The following DPP10 variants were observed in gnomAD, a reference collection of about 807,000 sequenced individuals.
DPP10 encodes inactive dipeptidyl peptidase 10.
A neutral mutation model predicts 120.9 loss-of-function variants in DPP10; 33 were observed. The ratio of observed to expected loss-of-function variants is 0.27; its 90% CI spans 0.21 to 0.37. The LOEUF (loss-of-function observed/expected upper bound fraction) is 0.37. Ranked by LOEUF, DPP10 falls within the 10% of genes least tolerant of loss-of-function variation. The pLI, the probability that DPP10 is intolerant of heterozygous loss-of-function variation, is 1.00. For missense variants in DPP10, 816 were observed against 942.8 expected (o/e 0.87, Z 1.76); for synonymous variants, 337 against 326.1 (o/e 1.03, Z -0.36).
chr2:114,583,880 G>A (rs1261836243), intron 1 of DPP10, among the ~76,000 whole-genome samples: 1 of 152,124 alleles, frequency 6.6e-6, no homozygotes, highest in African/African-American at 2.4e-5. Flanking sequence ...CCACTGTTAT[G>A]AATCCTTGCT....
chr2:115,726,519 TTTA>T (rs2092768773), intron 7 of DPP10, among the ~76,000 whole-genome samples: 10 of 152,136 alleles, frequency 6.6e-5, no homozygotes, highest in Admixed American at 2.0e-4. Context: ...GGATTTTAAA[TTTA>T]GGCTGCCTGG....
chr2:114,734,047 A>T (rs895636256), intron 1 of DPP10, among the ~76,000 whole-genome samples: 1 of 152,214 alleles, frequency 6.6e-6, no homozygotes, highest in Non-Finnish European at 1.5e-5. Flanking sequence ...AACCCTATAT[A>T]TCATGGCTTA....
At chr2:114,899,829 G>A (rs898654927) in intron 1 of DPP10, among the ~76,000 whole-genome samples, 21 of 152,136 alleles carry the variant, frequency 1.4e-4, no homozygotes, top group African/African-American at 4.1e-4. Flanking sequence ...GCTTGGTGGC[G>A]GGTGCCTGTG....
At chr2:115,471,762 T>C (rs1300196601) in intron 3 of DPP10, among the ~76,000 whole-genome samples, 2 of 100,172 alleles carry the variant, frequency 2.0e-5, no homozygotes, top group African/African-American at 3.6e-5. Context: ...AGTCTTTTTT[T>C]GTTTGTCTGT....
At chr2:114,863,427 C>T (rs533088690) in intron 1 of DPP10, among the ~76,000 whole-genome samples, 12 of 152,184 alleles carry the variant, frequency 7.9e-5, no homozygotes, top group African/African-American at 1.2e-4. Context: ...AAGTATCAGA[C>T]GTCGTGTTCT....
intron 1 of DPP10, among the ~76,000 whole-genome samples, chr2:114,821,125 G>A (rs1686048708): frequency 6.6e-6 from 1 of 152,202 alleles, no homozygotes; most frequent in Non-Finnish European, 1.5e-5. Context: ...TGAGTAGGCT[G>A]GAGGAGGTGG....
chr2:115,521,103 G>A (rs1243173152), intron 4 of DPP10, among the ~76,000 whole-genome samples: 1 of 152,158 alleles, frequency 6.6e-6, no homozygotes, highest in Non-Finnish European at 1.5e-5. Flanking sequence ...CACAATTTGA[G>A]TAAGGAAAAG....
chr2:114,560,643 C>T, intron 1 of DPP10, among the ~76,000 whole-genome samples: 1 of 151,952 alleles, frequency 6.6e-6, no homozygotes, highest in Non-Finnish European at 1.5e-5. Context: ...TTTCCAGTCT[C>T]ACTCTGCTCC....
chr2:114,613,555 G>A (rs1693444156), intron 1 of DPP10, among the ~76,000 whole-genome samples: 1 of 152,128 alleles, frequency 6.6e-6, no homozygotes, highest in African/African-American at 2.4e-5. Flanking sequence ...AAGACAGTGT[G>A]GTGATTCCTC....
chr2:115,303,165 A>AT (rs546792716), intron 1 of DPP10, among the ~76,000 whole-genome samples: 151 of 151,938 alleles, frequency 9.9e-4, no homozygotes, highest in Non-Finnish European at 1.9e-3. Context: ...TTTTTGTGGT[A>AT]TTTTTTTCAG....
In DPP10 at chr2:114,467,990, C is replaced by T. The variant is rs141662681; in HGVS notation, c.60+25152C>T. Reference sequence around the variant, plus strand: ...AGCTGTGATTGCAGCCACTGCACTTCAGTTGGTGCCACAGAGTGATACACC... The same window carrying T: ...AGCTGTGATTGCAGCCACTGCACTTTAGTTGGTGCCACAGAGTGATACACC... On this transcript the variant is annotated intron_variant, in intron 1 of 25. Transcript: ENST00000410059. 6.2e-4 allele frequency among the ~76,000 whole-genome samples: 95 copies of T among 152,248 alleles called. 2 individuals are homozygous for T. Among genetic ancestry groups the T allele is most frequent in the African/African-American group, 2.3e-3 (94 of 41,550 alleles).
chr2:115,036,452 GTTA>G (rs1054006845), intron 1 of DPP10, among the ~76,000 whole-genome samples: 1 of 152,104 alleles, frequency 6.6e-6, no homozygotes, highest in African/African-American at 2.4e-5. Context: ...TTATTATTTT[GTTA>G]TTATAAGAGC....
At chr2:115,687,035 A>G (rs1054127911) in intron 5 of DPP10, among the ~76,000 whole-genome samples, 1 of 152,060 alleles carries the variant, frequency 6.6e-6, no homozygotes, top group African/African-American at 2.4e-5. Context: ...GTTTAAGATA[A>G]AGGAAATTGA....
intron 1 of DPP10, among the ~76,000 whole-genome samples, chr2:115,170,124 G>A (rs2053208244): frequency 6.6e-6 from 1 of 152,148 alleles, no homozygotes; most frequent in African/African-American, 2.4e-5. Context: ...GGCCTTTCTT[G>A]TTATTGGAAC....
At chr2:114,519,921 T>G (rs917961683) in intron 1 of DPP10, among the ~76,000 whole-genome samples, 1 of 152,238 alleles carries the variant, frequency 6.6e-6, no homozygotes, top group Non-Finnish European at 1.5e-5. Context: ...TTCCTCTTCA[T>G]GTATTGCGAT....
chr2:115,817,662 G>A (rs1208948274), intron 21 of DPP10, among the ~76,000 whole-genome samples: 1 of 138,636 alleles, frequency 7.2e-6, no homozygotes, highest in Non-Finnish European at 1.6e-5. Context: ...ATCCCTAGTA[G>A]TAAAGGTTAG....
intron 5 of DPP10, among the ~76,000 whole-genome samples, chr2:115,549,241 C>T (rs770347823): frequency 2.0e-5 from 3 of 152,110 alleles, no homozygotes; most frequent in Non-Finnish European, 2.9e-5. Context: ...AAAGTCTATA[C>T]GGTAGGCCTG....
intron 1 of DPP10, among the ~76,000 whole-genome samples, chr2:115,247,146 G>C (rs1466938834): frequency 6.6e-6 from 1 of 152,094 alleles, no homozygotes; most frequent in Non-Finnish European, 1.5e-5. Flanking sequence ...TTGAATTGTT[G>C]ATAGATGGTA....
At chr2:114,744,826 A>T (rs1007670813) in intron 1 of DPP10, among the ~76,000 whole-genome samples, 2 of 151,984 alleles carry the variant, frequency 1.3e-5, no homozygotes, top group Non-Finnish European at 2.9e-5. Context: ...TAGTGGCACA[A>T]TCTCGGCCCA....
Sources: gnomAD v4.1 joint callset for allele counts (sites outside exome capture counted in the v4.1 genomes callset) on GRCh38, gnomAD v4.1.1 for gene constraint, MANE v1.5 for transcripts, NCBI Gene and HGNC (gene_info 2026-07-23, HGNC 2026-07-21) for gene names.